RNF2: variants seen among roughly 807,000 people sequenced by gnomAD.
RNF2 encodes the protein ring finger protein 2, also known as E3 ubiquitin-protein ligase RING2.
In RNF2, 6 loss-of-function variants were observed where a neutral mutation model predicts 37.2. That is an observed-to-expected ratio of 0.16 (90% CI 0.09 to 0.32). The LOEUF (loss-of-function observed/expected upper bound fraction) is 0.32. RNF2 is among the 10% of genes least tolerant of loss of function. The pLI, the probability that RNF2 is intolerant of heterozygous loss-of-function variation, is 1.00. For missense variants in RNF2, 251 were observed against 404.0 expected (o/e 0.62, Z 3.25); for synonymous variants, 133 against 132.7 (o/e 1.00, Z -0.02).
At chr1:185,059,639 C>G (rs1033827891) in intron 1 of RNF2, among the ~76,000 whole-genome samples, 1 of 152,102 alleles carries the variant, frequency 6.6e-6, no homozygotes, top group Non-Finnish European at 1.5e-5. Context: ...TAGTAATAAT[C>G]ATATGTTTGG....
At chr1:185,054,037 C>T (rs1313407091) in intron 1 of RNF2, among the ~76,000 whole-genome samples, 1 of 152,080 alleles carries the variant, frequency 6.6e-6, no homozygotes, top group Non-Finnish European at 1.5e-5. Context: ...AACAATATGG[C>T]ATTAAACATC....
intron 1 of RNF2, among the ~76,000 whole-genome samples, chr1:185,066,039 C>A (rs1650789602): frequency 6.6e-6 from 1 of 151,726 alleles, no homozygotes. Context: ...TTCCTATATC[C>A]CATGTATTGT....
chr1:185,070,206 ATC>A (rs1650925888), intron 1 of RNF2, among the ~76,000 whole-genome samples: 1 of 152,190 alleles, frequency 6.6e-6, no homozygotes, highest in Admixed American at 6.5e-5. Flanking sequence ...TCATATGAAT[ATC>A]TCATTCAGTT....
chr1:185,072,679 G>A (rs1345287278), intron 1 of RNF2, among the ~76,000 whole-genome samples: 2 of 152,172 alleles, frequency 1.3e-5, no homozygotes, highest in African/African-American at 4.8e-5. Flanking sequence ...AACAGCTCAT[G>A]CCTGTAATCC....
At chr1:185,073,657 A>G (rs945054361) in intron 1 of RNF2, among the ~76,000 whole-genome samples, 6 of 152,218 alleles carry the variant, frequency 3.9e-5, no homozygotes, top group Admixed American at 6.5e-5. Flanking sequence ...CTAAGGGCTG[A>G]TGTGTCTACT....
At position 185,098,145 on chromosome 1, in the gene RNF2, A is replaced by G. The variant is rs1237494372; in HGVS notation, c.538A>G (p.Ser180Gly). Residue 180 changes from serine to glycine, a missense_variant, in exon 5 of 7, where the codon AGT becomes GGT. Coordinates refer to ENST00000367510, the MANE Select transcript of RNF2 (RefSeq NM_007212.4). ...AEDNGDSSHC[S>G]NASTHSNQEA... The stretch of plus-strand genomic sequence containing the variant: ...AGATAATGGTGACAGTTCACACTGC[A>G]GTAATGCATCCACACATAGCAATCA... The G allele has an allele frequency of 1.2e-6, 2 of 1,614,262 alleles. No homozygotes were observed. The highest frequency in any genetic ancestry group is 2.2e-5 in the South Asian group (2 of 91,092).
intron 2 of RNF2, among the ~76,000 whole-genome samples, chr1:185,087,913 C>T (rs1254644859): frequency 6.6e-6 from 1 of 152,128 alleles, no homozygotes; most frequent in Non-Finnish European, 1.5e-5. Context: ...AAGTACATAT[C>T]TATAAAATTC....
intron 1 of RNF2, among the ~76,000 whole-genome samples, chr1:185,085,144 T>A (rs1162723094): frequency 7.7e-6 from 1 of 129,496 alleles, no homozygotes; most frequent in East Asian, 2.1e-4. Flanking sequence ...TCTTTCTTTT[T>A]CTTTTTTTTT....
chr1:185,057,163 T>G (rs962793734), intron 1 of RNF2, among the ~76,000 whole-genome samples: 1 of 151,826 alleles, frequency 6.6e-6, no homozygotes, highest in African/African-American at 2.4e-5. Context: ...AAAATAAAAT[T>G]AGCTGGGTGT....
At chr1:185,062,718 G>C (rs1351272098) in intron 1 of RNF2, among the ~76,000 whole-genome samples, 1 of 151,092 alleles carries the variant, frequency 6.6e-6, no homozygotes, top group Non-Finnish European at 1.5e-5. Flanking sequence ...ACTCATGACA[G>C]ACAAAAGGTC....
intron 1 of RNF2, among the ~76,000 whole-genome samples, chr1:185,049,530 CCCT>C (rs1277148899): frequency 2.6e-5 from 4 of 151,882 alleles, no homozygotes; most frequent in Non-Finnish European, 4.4e-5. Flanking sequence ...GTTTACTTTC[CCCT>C]TCAGTGAAGC....
chr1:185,086,773 A>G (rs1271063718), intron 1 of RNF2, among the ~76,000 whole-genome samples: 1 of 152,190 alleles, frequency 6.6e-6, no homozygotes, highest in Non-Finnish European at 1.5e-5. Context: ...CAGAATGACT[A>G]GTGGTTTAAA....
intron 1 of RNF2, among the ~76,000 whole-genome samples, chr1:185,048,013 T>TTAAGGGTCCAGATA (rs1650166580): frequency 6.6e-6 from 1 of 152,210 alleles, no homozygotes; most frequent in African/African-American, 2.4e-5. Context: ...ACACAGTCCA[T>TTAAGGGTCCAGATA]TCCTTAAGGG....
intron 4 of RNF2, among the ~76,000 whole-genome samples, chr1:185,095,998 T>C (rs1229222711): frequency 6.6e-6 from 1 of 152,196 alleles, no homozygotes; most frequent in African/African-American, 2.4e-5. Flanking sequence ...ATGTTCTTTA[T>C]ATGAACATAT....
chr1:185,068,656 T>C (rs990720718), intron 1 of RNF2, among the ~76,000 whole-genome samples: 3 of 152,262 alleles, frequency 2.0e-5, no homozygotes, highest in African/African-American at 7.2e-5. Context: ...CCCAGTGATA[T>C]TGAATTAGGA....
intron 1 of RNF2, among the ~76,000 whole-genome samples, chr1:185,087,262 C>A (rs1651628271): frequency 1.3e-5 from 2 of 152,142 alleles, no homozygotes; most frequent in Admixed American, 1.3e-4. Context: ...AAGATCATGG[C>A]ACCAGCAGAT....
intron 1 of RNF2, among the ~76,000 whole-genome samples, chr1:185,086,377 C>T (rs1268960574): frequency 6.6e-6 from 1 of 151,888 alleles, no homozygotes; most frequent in East Asian, 1.9e-4. Flanking sequence ...TTATCTACAA[C>T]CCTCTTTCCC....
intron 1 of RNF2, among the ~76,000 whole-genome samples, chr1:185,061,950 A>T (rs1557961564): frequency 6.6e-6 from 1 of 152,218 alleles, no homozygotes; most frequent in Non-Finnish European, 1.5e-5. Context: ...TCACCCAAGA[A>T]TCTAGAAGCA....
chr1:185,100,289 G>A lies in RNF2; in HGVS notation c.999G>A (p.Lys333=), dbSNP rs1652041678. Residue 333 remains lysine (K), a synonymous_variant, in exon 7 of 7, where the codon AAG becomes AAA. Coordinates refer to ENST00000367510, the MANE Select transcript of RNF2 (RefSeq NM_007212.4). ...TGGAACTTTATTACGCACCTACAAA[G>A]GAGCACAAATGAGCCTTTAAAAACC... ...KPMELYYAPT[K]EHK 2.5e-6 allele frequency: 4 copies of A among 1,608,922 alleles called. No individual in the cohort carries two copies. Among genetic ancestry groups the A allele is most frequent in the Non-Finnish European group, 3.4e-6 (4 of 1,178,170 alleles).
Sources: allele counts gnomAD v4.1 joint callset (sites outside exome capture counted in the v4.1 genomes callset), GRCh38; gene constraint gnomAD v4.1.1; transcripts MANE v1.5; gene names NCBI Gene and HGNC (gene_info 2026-07-23, HGNC 2026-07-21).